Variants in RAB38 observed in about 807,000 individuals in gnomAD.
The protein encoded by RAB38 is RAB38, member RAS oncogene family, also known as ras-related protein Rab-38.
In RAB38, 15 loss-of-function variants were observed where a neutral mutation model predicts 18.4. The observed-to-expected ratio is 0.82, with a 90% CI of 0.55 to 1.26. The LOEUF is 1.26. Among genes scored for constraint, RAB38 ranks in the 50% most tolerant of loss-of-function variants. The pLI is 0.00. For synonymous variants in RAB38, 101 were observed against 104.4 expected, an observed-to-expected ratio of 0.97 and a Z score of 0.20; for missense variants, 294 against 267.4, an observed-to-expected ratio of 1.10 and a Z score of -0.69.
At chr11:87,856,701 C>CCTT in the RAB38 span, among the ~76,000 whole-genome samples, 1 of 151,912 alleles carries the variant, frequency 6.6e-6, no homozygotes, top group African/African-American at 2.4e-5. Flanking sequence ...TTCTTCTTCT[C>CCTT]CTCCTCCTTC....
chr11:88,060,579 G>T, the RAB38 span, among the ~76,000 whole-genome samples: 1 of 152,176 alleles, frequency 6.6e-6, no homozygotes, highest in Non-Finnish European at 1.5e-5. Context: ...GAACAACTGA[G>T]TTGGGACTGG....
At chr11:87,866,141 G>C in the RAB38 span, among the ~76,000 whole-genome samples, 2 of 151,624 alleles carry the variant, frequency 1.3e-5, no homozygotes, top group Non-Finnish European at 3.0e-5. Flanking sequence ...AAGTAGGAAG[G>C]ACAAGGATAA....
At chr11:88,112,729 G>A (rs910242107), downstream of RAB38, among the ~76,000 whole-genome samples, 1 of 151,830 alleles carries the variant, frequency 6.6e-6, no homozygotes, top group African/African-American at 2.4e-5. Context: ...AGCTGAGATC[G>A]CGCCACTGCA....
chr11:88,010,325 C>T, the RAB38 span, among the ~76,000 whole-genome samples: 16 of 152,134 alleles, frequency 1.1e-4, no homozygotes, highest in African/African-American at 3.9e-4. Context: ...AATTCCAGCT[C>T]AAGTTCTATA....
chr11:88,155,882 T>G (rs910104180), intron 1 of RAB38, among the ~76,000 whole-genome samples: 1 of 152,204 alleles, frequency 6.6e-6, no homozygotes, highest in African/African-American at 2.4e-5. Flanking sequence ...CAAAATACAA[T>G]TGAAAGCTTT....
the RAB38 span, among the ~76,000 whole-genome samples, chr11:88,015,028 T>C: frequency 6.7e-6 from 1 of 148,360 alleles, no homozygotes; most frequent in Non-Finnish European, 1.5e-5. Context: ...AAAATCAAAG[T>C]ACCAAACACA....
At chr11:88,011,503 T>G in the RAB38 span, among the ~76,000 whole-genome samples, 1 of 152,160 alleles carries the variant, frequency 6.6e-6, no homozygotes, top group African/African-American at 2.4e-5. Context: ...AACTCAAACA[T>G]AGCTGTATCT....
intron 1 of RAB38, among the ~76,000 whole-genome samples, chr11:88,152,279 C>T (rs1435515306): frequency 6.6e-6 from 1 of 152,042 alleles, no homozygotes; most frequent in Non-Finnish European, 1.5e-5. Flanking sequence ...TCTGCTTGTC[C>T]AGAGGTTTTC....
chr11:88,102,601 C>G, the RAB38 span, among the ~76,000 whole-genome samples: 1 of 151,954 alleles, frequency 6.6e-6, no homozygotes, highest in Admixed American at 6.6e-5. Flanking sequence ...TATATATTCA[C>G]GTAAGAAGGA....
chr11:87,848,238 C>G, the RAB38 span, among the ~76,000 whole-genome samples: 1 of 152,100 alleles, frequency 6.6e-6, no homozygotes, highest in Non-Finnish European at 1.5e-5. Context: ...GAGGATGTTC[C>G]AAAGGACAGC....
chr11:88,096,060 T>C, the RAB38 span, among the ~76,000 whole-genome samples: 1 of 150,846 alleles, frequency 6.6e-6, no homozygotes. Flanking sequence ...CATCCAACAG[T>C]GGCCCTCTTA....
At chr11:88,102,707 T>C in the RAB38 span, among the ~76,000 whole-genome samples, 5 of 152,120 alleles carry the variant, frequency 3.3e-5, no homozygotes, top group African/African-American at 1.2e-4. Context: ...ATGCTAGGAT[T>C]TGAATGTAGG....
chr11:88,068,961 C>A, the RAB38 span, among the ~76,000 whole-genome samples: 14 of 152,368 alleles, frequency 9.2e-5, no homozygotes, highest in African/African-American at 3.1e-4. Flanking sequence ...GCTTGAGGAG[C>A]CCTTCAGCCG....
intron 2 of RAB38, among the ~76,000 whole-genome samples, chr11:88,115,114 A>T (rs890734939): frequency 5.3e-5 from 8 of 152,234 alleles, no homozygotes; most frequent in Admixed American, 2.6e-4. Flanking sequence ...AACCTAAGAC[A>T]TATAGAAAAT....
the RAB38 span, among the ~76,000 whole-genome samples, chr11:87,976,773 T>C: frequency 1.7e-5 from 2 of 116,620 alleles, no homozygotes; most frequent in African/African-American, 6.9e-5. Flanking sequence ...ACATAATATA[T>C]ATTTATATAT....
At chr11:88,013,127 G>T in the RAB38 span, among the ~76,000 whole-genome samples, 3,143 of 152,162 alleles carry the variant, frequency 0.021, 45 homozygotes, top group Non-Finnish European at 0.034. Context: ...ATCTCAAAAG[G>T]CCTGTAGGTA....
At chr11:87,886,595 C>G in the RAB38 span, among the ~76,000 whole-genome samples, 4 of 151,878 alleles carry the variant, frequency 2.6e-5, no homozygotes, top group African/African-American at 9.7e-5. Flanking sequence ...TGATTCTACC[C>G]GTGGCTATCA....
chr11:87,839,840 A>G, the RAB38 span, among the ~76,000 whole-genome samples: 4 of 152,206 alleles, frequency 2.6e-5, no homozygotes, highest in Non-Finnish European at 2.9e-5. Flanking sequence ...AAACTGGACC[A>G]AACTCTGAGT....
the RAB38 span, among the ~76,000 whole-genome samples, chr11:87,963,194 C>G: frequency 6.6e-6 from 1 of 152,078 alleles, no homozygotes; most frequent in African/African-American, 2.4e-5. Context: ...ACATATAATA[C>G]ACACATACAT....
Sources: gnomAD v4.1 joint callset for allele counts (sites outside exome capture counted in the v4.1 genomes callset) on GRCh38, gnomAD v4.1.1 for gene constraint, MANE v1.5 for transcripts, NCBI Gene and HGNC (gene_info 2026-07-23, HGNC 2026-07-21) for gene names.